Variants in POFUT3 observed in about 807,000 individuals in gnomAD.
POFUT3 encodes the protein GDP-fucose protein O-fucosyltransferase 3.
the POFUT3 span, among the ~76,000 whole-genome samples, chr8:33,319,180 A>G: frequency 9.7e-4 from 4 of 4,104 alleles, 1 homozygote; most frequent in African/African-American, 5.8e-3. Flanking sequence ...TATATATTAT[A>G]TAAAATATAT....
the POFUT3 span, among the ~76,000 whole-genome samples, chr8:33,445,080 C>A: frequency 1.3e-5 from 2 of 151,704 alleles, no homozygotes; most frequent in African/African-American, 4.8e-5. Context: ...ACTACAGGCA[C>A]GCACCACCAT....
the POFUT3 span, among the ~76,000 whole-genome samples, chr8:33,409,024 T>C: frequency 3.9e-5 from 6 of 152,324 alleles, no homozygotes; most frequent in South Asian, 6.2e-4. Flanking sequence ...GCAATATCTT[T>C]TAGGGATGTC....
At chr8:33,435,515 C>A in the POFUT3 span, among the ~76,000 whole-genome samples, 2 of 150,064 alleles carry the variant, frequency 1.3e-5, no homozygotes, top group Non-Finnish European at 3.0e-5. Flanking sequence ...CGCGCCCAGG[C>A]AACTTTTTTT....
the POFUT3 span, among the ~76,000 whole-genome samples, chr8:33,404,373 G>A: frequency 6.6e-6 from 1 of 150,872 alleles, no homozygotes; most frequent in African/African-American, 2.5e-5. Context: ...AAGAAAATTC[G>A]GGTTCTCAGA....
the POFUT3 span, among the ~76,000 whole-genome samples, chr8:33,320,465 A>G: frequency 6.6e-6 from 1 of 152,102 alleles, no homozygotes; most frequent in Non-Finnish European, 1.5e-5. Context: ...CTTCCAAATC[A>G]AACACTATTT....
At chr8:33,408,375 G>A in the POFUT3 span, among the ~76,000 whole-genome samples, 206 of 151,996 alleles carry the variant, frequency 1.4e-3, 1 homozygote, top group African/African-American at 4.6e-3. Flanking sequence ...CCTAGAGGAG[G>A]ACAGGTAACC....
the POFUT3 span, among the ~76,000 whole-genome samples, chr8:33,468,767 T>A: frequency 6.6e-6 from 1 of 152,324 alleles, no homozygotes; most frequent in East Asian, 1.9e-4. Flanking sequence ...CATAAAGAGA[T>A]GTCCCTAGAG....
the POFUT3 span, among the ~76,000 whole-genome samples, chr8:33,366,474 T>G: frequency 2.6e-5 from 4 of 152,210 alleles, no homozygotes; most frequent in Admixed American, 2.6e-4. Flanking sequence ...AATTGCTGTC[T>G]CCAGTACTTA....
chr8:33,329,633 G>T, the POFUT3 span, among the ~76,000 whole-genome samples: 1 of 152,178 alleles, frequency 6.6e-6, no homozygotes, highest in South Asian at 2.1e-4. Context: ...ATGCCACAGA[G>T]AAGGAAGAGA....
chr8:33,379,741 C>G, the POFUT3 span, among the ~76,000 whole-genome samples: 3,064 of 148,540 alleles, frequency 0.021, 102 homozygotes, highest in African/African-American at 0.073. Context: ...GATGCTGAGG[C>G]AGGATAATTG....
chr8:33,318,677 GTATA>G, the POFUT3 span, among the ~76,000 whole-genome samples: 1 of 43,252 alleles, frequency 2.3e-5, no homozygotes, highest in Non-Finnish European at 3.6e-5. Context: ...TAAATATATT[GTATA>G]TATATTTTAT....
the POFUT3 span, among the ~76,000 whole-genome samples, chr8:33,442,138 T>C: frequency 1.3e-5 from 2 of 151,664 alleles, no homozygotes; most frequent in Non-Finnish European, 2.9e-5. Flanking sequence ...CTGTTTTTTG[T>C]TTTTTGTTTA....
the POFUT3 span, chr8:33,436,199 C>T: frequency 2.6e-5 from 33 of 1,272,664 alleles, no homozygotes; most frequent in South Asian, 2.1e-4. Context: ...TGCACCAAGC[C>T]GAGAACGTCC....
At chr8:33,402,190 T>C in the POFUT3 span, among the ~76,000 whole-genome samples, 1 of 152,166 alleles carries the variant, frequency 6.6e-6, no homozygotes, top group African/African-American at 2.4e-5. Flanking sequence ...GGAGGGACAT[T>C]TTACAGAAGT....
the POFUT3 span, chr8:33,436,744 C>T: frequency 4.8e-6 from 3 of 630,706 alleles, no homozygotes; most frequent in Non-Finnish European, 8.5e-6. Flanking sequence ...CTCCTCCTTG[C>T]AGCACGGACG....
the POFUT3 span, among the ~76,000 whole-genome samples, chr8:33,423,665 T>C: frequency 5.9e-5 from 9 of 151,990 alleles, no homozygotes; most frequent in African/African-American, 1.9e-4. Context: ...TTATATGCTG[T>C]TAGCCTAAAA....
the POFUT3 span, among the ~76,000 whole-genome samples, chr8:33,425,081 A>AT: frequency 2.0e-5 from 3 of 152,174 alleles, no homozygotes; most frequent in African/African-American, 7.2e-5. Context: ...CACACCTGTA[A>AT]TCCCAGGACT....
At chr8:33,426,983 C>T in the POFUT3 span, among the ~76,000 whole-genome samples, 1 of 152,154 alleles carries the variant, frequency 6.6e-6, no homozygotes, top group African/African-American at 2.4e-5. Flanking sequence ...CAGAGAGTAC[C>T]AGTGACAGAG....
the POFUT3 span, among the ~76,000 whole-genome samples, chr8:33,464,669 T>C: frequency 2.2e-4 from 34 of 152,060 alleles, no homozygotes; most frequent in African/African-American, 6.8e-4. Context: ...GTAGTCCTAG[T>C]CCTGGGAGGC....
Sources: gnomAD v4.1 joint callset for allele counts (sites outside exome capture counted in the v4.1 genomes callset) on GRCh38, gnomAD v4.1.1 for gene constraint, MANE v1.5 for transcripts, NCBI Gene and HGNC (gene_info 2026-07-23, HGNC 2026-07-21) for gene names.